PARD3B: variants seen among roughly 807,000 people sequenced by gnomAD.
The protein encoded by PARD3B is par-3 family cell polarity regulator beta.
Under a neutral mutation model 130.2 loss-of-function variants are expected in PARD3B, and 103 were observed. The observed-to-expected ratio is 0.79, with a 90% CI of 0.67 to 0.93. PARD3B has a LOEUF of 0.93. Ranked by LOEUF, PARD3B falls within the 40% of genes least tolerant of loss-of-function variation. The pLI, the probability that PARD3B is intolerant of heterozygous loss-of-function variation, is 0.00. For synonymous variants in PARD3B, 583 were observed against 553.2 expected (o/e 1.05, Z -0.76); for missense variants, 1,609 against 1,499.2 (o/e 1.07, Z -1.21).
At chr2:204,806,952 A>G (rs2042787682) in intron 2 of PARD3B, among the ~76,000 whole-genome samples, 1 of 152,160 alleles carries the variant, frequency 6.6e-6, no homozygotes, top group Non-Finnish European at 1.5e-5. Flanking sequence ...AGACTGGGTA[A>G]TTTATAAAGA....
At chr2:204,812,918 C>T (rs532837492) in intron 2 of PARD3B, among the ~76,000 whole-genome samples, 4 of 152,118 alleles carry the variant, frequency 2.6e-5, no homozygotes, top group South Asian at 2.1e-4. Context: ...GGGTCTCCTG[C>T]CATGCTCATG....
chr2:205,418,450 C>CACA (rs10626661), intron 19 of PARD3B, among the ~76,000 whole-genome samples: 152,052 of 152,238 alleles, frequency 1, 75,933 homozygotes, highest in Non-Finnish European at 1. Flanking sequence ...GAGACCAATA[C>CACA]ACTAATTATA....
At position 205,463,241 on chromosome 2, in the gene PARD3B, G is replaced by A. The variant is rs1390439352; in HGVS notation, c.3044+22569G>A. 2.0e-5 allele frequency among the ~76,000 whole-genome samples: 3 copies of A among 152,108 alleles called. No individual in the cohort carries two copies. Among genetic ancestry groups the A allele is most frequent in the African/African-American group, 4.8e-5 (2 of 41,412 alleles). On this transcript the variant is annotated intron_variant, in intron 20 of 22. Coordinates refer to ENST00000406610, the MANE Select transcript of PARD3B (RefSeq NM_001302769.2). The surrounding 1 kb of genome is among the most constrained non-coding windows in gnomAD (Gnocchi z 4.8). ...GCTTAGTCTTCCTTACACATAAGGA[G>A]AGTTTGAACAATGGATCCAAATTAT...
rs796332183 is a variant in PARD3B, at chr2:205,470,583, A to G, written c.3045-29313A>G. Among the ~76,000 whole-genome samples, 4 of 152,296 alleles carry G rather than the reference A, an allele frequency of 2.6e-5. No homozygotes were observed. Among genetic ancestry groups the G allele is most frequent in the African/African-American group, 9.6e-5 (4 of 41,568 alleles). On this transcript the variant is annotated intron_variant, in intron 20 of 22. Transcript: ENST00000406610. This position sits in a 1 kb window ranked among gnomAD's most constrained non-coding sequence, Gnocchi z 4.8. Reference sequence around the variant, plus strand: ...TCTAGATAATGAGAATTTAAGTTATAAGATTTGTAAGGATCATGGAATAAA... The same window carrying G: ...TCTAGATAATGAGAATTTAAGTTATGAGATTTGTAAGGATCATGGAATAAA...
At chr2:205,581,395 A>G (rs1575416013) in intron 22 of PARD3B, among the ~76,000 whole-genome samples, 1 of 85,982 alleles carries the variant, frequency 1.2e-5, no homozygotes, top group Non-Finnish European at 2.5e-5. Flanking sequence ...AAATATATAT[A>G]AATATATATA....
At chr2:205,010,485 A>C (rs530875503) in intron 3 of PARD3B, among the ~76,000 whole-genome samples, 1 of 152,300 alleles carries the variant, frequency 6.6e-6, no homozygotes, top group South Asian at 2.1e-4. Context: ...CCTCATTTTC[A>C]TGAAGCTGAC....
In PARD3B at chr2:204,936,165, G is replaced by A. The variant is rs543476702; in HGVS notation, c.223-28987G>A. ...CACAGTTTTACTCCGCAGCCAGGAAGAGAACCCTGTGCTTCATGCCACTGC... is the reference window on the plus strand; with the variant it reads ...CACAGTTTTACTCCGCAGCCAGGAAAAGAACCCTGTGCTTCATGCCACTGC... On this transcript the variant is annotated intron_variant, in intron 2 of 22. Transcript: ENST00000406610. Among the ~76,000 whole-genome samples the A allele has an allele frequency of 2.6e-5, 4 of 152,368 alleles. No homozygotes were observed. The East Asian group carries it at 7.7e-4, about 29-fold the overall frequency.
At chr2:204,903,426 T>C (rs962550326) in intron 2 of PARD3B, among the ~76,000 whole-genome samples, 2 of 152,216 alleles carry the variant, frequency 1.3e-5, no homozygotes, top group African/African-American at 4.8e-5. Flanking sequence ...ACATGTTTAA[T>C]GTGTTTTGTT....
intron 5 of PARD3B, among the ~76,000 whole-genome samples, chr2:205,107,720 T>C (rs892091807): frequency 6.6e-6 from 1 of 152,210 alleles, no homozygotes; most frequent in Non-Finnish European, 1.5e-5. Context: ...GCTCACCCAT[T>C]ATTAACGCAA....
chr2:204,883,736 A>T (rs1233875940), intron 2 of PARD3B, among the ~76,000 whole-genome samples: 1 of 150,872 alleles, frequency 6.6e-6, no homozygotes, highest in East Asian at 2.0e-4. Flanking sequence ...GAGCCACCGC[A>T]CCTGGCCTAT....
chr2:204,922,079 T>A (rs1366612758), intron 2 of PARD3B, among the ~76,000 whole-genome samples: 1 of 152,012 alleles, frequency 6.6e-6, no homozygotes, highest in Non-Finnish European at 1.5e-5. Flanking sequence ...TGGGGTGAGA[T>A]CATGAATTTA....
intron 18 of PARD3B, among the ~76,000 whole-genome samples, chr2:205,373,611 C>A (rs775338241): frequency 6.6e-6 from 1 of 152,164 alleles, no homozygotes; most frequent in South Asian, 2.1e-4. Context: ...AAAGGTATAT[C>A]AAAAATGAAT....
intron 2 of PARD3B, among the ~76,000 whole-genome samples, chr2:204,734,494 A>G (rs1310620852): frequency 1.3e-5 from 2 of 152,190 alleles, no homozygotes; most frequent in African/African-American, 4.8e-5. Context: ...TCAAACTGCA[A>G]CCAACCCAAA....
chr2:204,546,012 G>C lies in PARD3B; in HGVS notation c.13G>C (p.Val5Leu). 1 of 1,567,934 alleles carries C rather than the reference G, an allele frequency of 6.4e-7. No individual in the cohort carries two copies. Among genetic ancestry groups the C allele is most frequent in the Non-Finnish European group, 8.7e-7 (1 of 1,155,820 alleles). The change falls in exon 1 of 23, where the codon GTG becomes CTG. Residue 5 changes from valine to leucine, a missense_variant. Physicochemically the swap from Val to Leu is conservative, Grantham distance 32. Transcript: ENST00000406610. MKVT[V>L]CFGRTGIVVP... ...GCCGGGGGCCAGGATGAAAGTGACC[G>C]TGTGCTTCGGCAGGACGGGCATCGT...
At chr2:204,626,407 A>G (rs1419312069) in intron 1 of PARD3B, among the ~76,000 whole-genome samples, 1 of 152,150 alleles carries the variant, frequency 6.6e-6, no homozygotes, top group African/African-American at 2.4e-5. Flanking sequence ...AGCTGCTTTC[A>G]CATTCATCTG....
rs766129859 is a variant in PARD3B at position 205,301,586 on chromosome 2, G to A, written c.2515G>A (p.Glu839Lys). The change falls in exon 18 of 23, where the codon GAG becomes AAG. Residue 839 changes from glutamate to lysine, a missense_variant. Transcript: ENST00000406610. The surrounding 1 kb of genome is among the most constrained non-coding windows in gnomAD (Gnocchi z 5.2). ...NKARKVKKTKEKEKKKEKGKL... is the reference protein window; with the variant it reads ...NKARKVKKTKKKEKKKEKGKL... ...AGCCAGGAAAGTCAAAAAAACGAAAGAGAAGGAGAAGAAAAAGGAAAAGGG... is the reference window on the plus strand; with the variant it reads ...AGCCAGGAAAGTCAAAAAAACGAAAAAGAAGGAGAAGAAAAAGGAAAAGGG... 10 of 1,613,810 alleles carry A rather than the reference G, an allele frequency of 6.2e-6. No homozygotes were observed. The East Asian group carries it at 2.0e-4, about 32-fold the overall frequency.
intron 4 of PARD3B, among the ~76,000 whole-genome samples, chr2:205,103,193 A>T (rs1244318711): frequency 7.0e-6 from 1 of 143,786 alleles, no homozygotes; most frequent in Non-Finnish European, 1.5e-5. Flanking sequence ...TAAACATTTT[A>T]TATTTATGTA....
chr2:205,601,655 C>T, intron 22 of PARD3B, among the ~76,000 whole-genome samples: 1 of 151,962 alleles, frequency 6.6e-6, no homozygotes, highest in Admixed American at 6.6e-5. Context: ...GTCTTTAATC[C>T]ATCTTGAGTT....
intron 20 of PARD3B, among the ~76,000 whole-genome samples, chr2:205,499,123 C>T (rs2050057808): frequency 6.6e-6 from 1 of 152,070 alleles, no homozygotes; most frequent in African/African-American, 2.4e-5. Context: ...TGTATAATAT[C>T]ATGTGATACT....
Sources: gnomAD v4.1 joint callset for allele counts (sites outside exome capture counted in the v4.1 genomes callset) on GRCh38, gnomAD v4.1.1 for gene constraint, Gnocchi (gnomAD v3.1) non-coding constraint, MANE v1.5 for transcripts, NCBI Gene and HGNC (gene_info 2026-07-23, HGNC 2026-07-21) for gene names.